CDK12: variants seen among roughly 807,000 people sequenced by gnomAD.
CDK12 encodes the protein cyclin-dependent kinase 12.
Under a neutral mutation model 133.8 loss-of-function variants are expected in CDK12, and 17 were observed. The observed-to-expected ratio is 0.13, with a 90% CI of 0.09 to 0.19. The LOEUF is 0.19. Ranked by LOEUF, CDK12 falls within the 10% of genes least tolerant of loss-of-function variation. The pLI is 1.00. For synonymous variants in CDK12, 694 were observed against 683.6 expected, an observed-to-expected ratio of 1.02 and a Z score of -0.24; for missense variants, 1,508 against 1,818.7, an observed-to-expected ratio of 0.83 and a Z score of 3.11.
chr17:39,547,214 C>A (rs2055756208), upstream of CDK12, among the ~76,000 whole-genome samples: 2 of 145,072 alleles, frequency 1.4e-5, no homozygotes, highest in Admixed American at 7.2e-5. Flanking sequence ...TGGCTCACTG[C>A]AACCTCTGCC....
chr17:39,538,960 T>C (rs1029246048), downstream of CDK12, among the ~76,000 whole-genome samples: 1 of 146,336 alleles, frequency 6.8e-6, no homozygotes, highest in African/African-American at 2.6e-5. Flanking sequence ...TACATAAGGC[T>C]AGTATCCTGA....
rs2049879036 is a variant in CDK12 at position 39,472,625 on chromosome 17, GATTGCAT to G, written c.1931+868_1931+874del. Among the ~76,000 whole-genome samples, 6 of 151,842 alleles carry G rather than the reference GATTGCAT, an allele frequency of 4.0e-5. No homozygotes were observed. The South Asian group carries it at 1.3e-3, about 32-fold the overall frequency. ...GGATATGGAGGTTGCAGCGAGCCAA[GATTGCAT>G]ATTGCCGTATTTGCTCTGTGGATAT... On this transcript the variant is annotated intron_variant, in intron 2 of 13. Transcript: ENST00000447079.
intron 12 of CDK12, 128 bp from the exon 13 acceptor site, chr17:39,525,736 G>GA (rs1468814425): frequency 1.6e-5 from 11 of 697,260 alleles, no homozygotes; most frequent in Non-Finnish European, 2.7e-5. Context: ...TTTGAGGCAT[G>GA]AAAAAATGAG....
In CDK12 at chr17:39,531,805, C is replaced by G. The variant is rs1021281293; in HGVS notation, c.*489C>G. 2 of 234,430 alleles carry G rather than the reference C, an allele frequency of 8.5e-6. No individual in the cohort carries two copies. The highest frequency in any genetic ancestry group is 1.7e-5 in the Non-Finnish European group (2 of 118,540). The allele number at this position is 234,430 out of a possible 1,614,324, so 14.5% of individuals were successfully genotyped here. ...AATAGTGTTCACAAAATTTGAGCTG[C>G]TCTTTGGCTTTTGCTATAAGGGAAA... On this transcript the variant is annotated 3_prime_UTR_variant, in exon 14 of 14. Transcript: ENST00000447079.
chr17:39,481,491 G>A (rs2050645284), intron 2 of CDK12, among the ~76,000 whole-genome samples: 1 of 150,882 alleles, frequency 6.6e-6, no homozygotes, highest in Non-Finnish European at 1.5e-5. Context: ...TACATTTTTG[G>A]TAGAGACCAA....
At chr17:39,508,824 G>C (rs1165860387) in intron 6 of CDK12, among the ~76,000 whole-genome samples, 1 of 151,948 alleles carries the variant, frequency 6.6e-6, no homozygotes. Flanking sequence ...GGGGAACTCT[G>C]TCTCTACAAA....
At chr17:39,487,133 A>G (rs1187291521) in intron 2 of CDK12, among the ~76,000 whole-genome samples, 1 of 152,216 alleles carries the variant, frequency 6.6e-6, no homozygotes, top group Non-Finnish European at 1.5e-5. Context: ...CCAGTATTTC[A>G]ACAGAAAGTT....
chr17:39,537,286 A>G (rs2055175882), downstream of CDK12, among the ~76,000 whole-genome samples: 1 of 152,138 alleles, frequency 6.6e-6, no homozygotes, highest in Non-Finnish European at 1.5e-5. Context: ...AGGCTAATGC[A>G]ATTTTGAATG....
chr17:39,482,015 C>CTTTTTTT lies in CDK12; in HGVS notation c.1932-8532_1932-8526dup, dbSNP rs56340258. Among the ~76,000 whole-genome samples, 885 of 96,208 alleles carry CTTTTTTT rather than the reference C, an allele frequency of 9.2e-3. 13 individuals carry two copies. The highest frequency in any genetic ancestry group is 0.028 in the African/African-American group (844 of 30,238). 63.1% of individuals were successfully genotyped at this position (96,208 alleles called of 152,430 possible). ...GATTACAGGCATGAGCCTGGCTTGC[C>CTTTTTTT]TTTTTTTTTTTTTTTTAACAGAGTT... On this transcript the variant is annotated intron_variant, in intron 2 of 13. Transcript: ENST00000447079.
At chr17:39,511,347 A>T (rs2053497235) in intron 7 of CDK12, among the ~76,000 whole-genome samples, 182 bp from the exon 8 acceptor site, 1 of 151,834 alleles carries the variant, frequency 6.6e-6, no homozygotes, top group Non-Finnish European at 1.5e-5. Context: ...CACGCCAGGC[A>T]TGGAAGTTAT....
At chr17:39,491,685 G>C (rs2051613387) in intron 3 of CDK12, among the ~76,000 whole-genome samples, 1 of 150,976 alleles carries the variant, frequency 6.6e-6, no homozygotes, top group Non-Finnish European at 1.5e-5. Flanking sequence ...TAGCCACTGT[G>C]AGAGACTGTT....
chr17:39,505,772 CT>C (rs909374012), intron 6 of CDK12, among the ~76,000 whole-genome samples: 52 of 152,094 alleles, frequency 3.4e-4, no homozygotes, highest in Non-Finnish European at 4.1e-4. Context: ...TATATGCAAC[CT>C]GTTTATATGG....
At position 39,501,404 on chromosome 17, in the gene CDK12, G is replaced by C. The variant is rs1391010786; in HGVS notation, c.2574G>C (p.Arg858=). The C allele has an allele frequency of 6.2e-7, 1 of 1,612,078 alleles. No homozygotes were observed. The highest frequency in any genetic ancestry group is 8.5e-7 in the Non-Finnish European group (1 of 1,179,496). The change falls in exon 6 of 14, where the codon CGG becomes CGC. Residue 858 remains arginine, a synonymous_variant. Coordinates refer to ENST00000447079, the MANE Select transcript of CDK12 (RefSeq NM_016507.4). The part of the protein sequence containing the change: ...EYCHKKNFLH[R]DIKCSNILLN... Reference sequence around the variant, plus strand: ...GTCACAAAAAGAATTTCCTGCATCGGGATATTAAGTGTTCTAACATTTTGC... The same window carrying C: ...GTCACAAAAAGAATTTCCTGCATCGCGATATTAAGTGTTCTAACATTTTGC...
rs374544508 is a variant in CDK12, at chr17:39,462,626, G to A, written c.555G>A (p.Arg185=). 38 of 1,613,956 alleles carry A rather than the reference G, an allele frequency of 2.4e-5. 1 individual carries two copies. The African/African-American group carries it at 4.7e-4, about 20-fold the overall frequency. ...CCAAGCTCCACAAGGAGAAGACCAG[G>A]AAAGAACGGGAGCTGAAGTCTGGGC... ...RSSKLHKEKT[R]KERELKSGHK... Residue 185 remains arginine, a synonymous_variant, in exon 1 of 14, where the codon AGG becomes AGA. Coordinates refer to ENST00000447079, the MANE Select transcript of CDK12 (RefSeq NM_016507.4).
chr17:39,489,782 G>A (rs1023772509), intron 2 of CDK12, among the ~76,000 whole-genome samples: 8 of 144,786 alleles, frequency 5.5e-5, no homozygotes, highest in Admixed American at 1.4e-4. Context: ...TTGAGCCACC[G>A]TGCCTGGCCT....
chr17:39,527,005 A>T (rs2054535900), intron 13 of CDK12, among the ~76,000 whole-genome samples: 1 of 152,232 alleles, frequency 6.6e-6, no homozygotes, highest in Non-Finnish European at 1.5e-5. Flanking sequence ...CATAGCGTGC[A>T]ATTTATTAGA....
intron 3 of CDK12, among the ~76,000 whole-genome samples, chr17:39,561,937 T>A (rs1567825950): frequency 6.6e-6 from 1 of 152,058 alleles, no homozygotes; most frequent in Non-Finnish European, 1.5e-5. Flanking sequence ...CTATAAGGAT[T>A]ATTTATTTTT....
At chr17:39,468,576 A>C (rs754294050) in intron 1 of CDK12, among the ~76,000 whole-genome samples, 1 of 151,764 alleles carries the variant, frequency 6.6e-6, no homozygotes, top group Non-Finnish European at 1.5e-5. Context: ...CCCAGGTTCA[A>C]GCGGTTCTCC....
rs78266155 is a variant in CDK12, at chr17:39,485,721, TA to T, written c.1932-4823del. Among the ~76,000 whole-genome samples the T allele has an allele frequency of 4.9e-3, 688 of 140,024 alleles. 6 individuals carry two copies. The highest frequency in any genetic ancestry group is 0.037 in the South Asian group (164 of 4,376). The allele number at this position is 140,024 out of a possible 152,430, so 91.9% of individuals were successfully genotyped here. ...GCCACTGTGCCTGGCCCCTGTCTCT[TA>T]AAAAAAAAAAAAGCAGCTGTGGTGG... On this transcript the variant is annotated intron_variant, in intron 2 of 13. Transcript: ENST00000447079.
Sources: gnomAD v4.1 joint callset for allele counts (sites outside exome capture counted in the v4.1 genomes callset) on GRCh38, gnomAD v4.1.1 for gene constraint, MANE v1.5 for transcripts, NCBI Gene and HGNC (gene_info 2026-07-23, HGNC 2026-07-21) for gene names.